The following PCDH17 variants were observed in gnomAD, a reference collection of about 807,000 sequenced individuals.
The protein encoded by PCDH17 is protocadherin-17.
PCDH17 carries 21 observed loss-of-function variants against 67.7 expected under a neutral mutation model. The observed-to-expected ratio is 0.31, with a 90% CI of 0.22 to 0.45. The LOEUF (loss-of-function observed/expected upper bound fraction) is 0.45. Among genes scored for constraint, PCDH17 ranks in the 20% least tolerant of loss-of-function variants. The pLI is 1.00. For missense variants in PCDH17, 1,471 were observed against 1,564.8 expected (o/e 0.94, Z 1.01); for synonymous variants, 701 against 656.7 (o/e 1.07, Z -1.03).
chr13:57,680,655 G>T (rs1327520132), intron 3 of PCDH17, among the ~76,000 whole-genome samples: 2 of 151,550 alleles, frequency 1.3e-5, no homozygotes, highest in Non-Finnish European at 3.0e-5. Context: ...ACAACTTGAT[G>T]GCCAAGCTGA....
rs767246108 is a variant in PCDH17, at chr13:57,633,023, C to G, written c.477C>G (p.Pro159=). 5 of 1,612,704 alleles carry G rather than the reference C, an allele frequency of 3.1e-6. No individual in the cohort carries two copies. The highest frequency in any genetic ancestry group is 1.3e-5 in the African/African-American group (1 of 74,872). The part of the protein sequence containing the change: ...TRFPLTSAHD[P]DAGENGLRTY... ...TCCCCCTCACCAGCGCACATGACCC[C>G]GACGCCGGCGAGAATGGGCTCCGCA... The change falls in exon 1 of 4, where the codon CCC becomes CCG. Residue 159 remains proline, a synonymous_variant. Coordinates refer to ENST00000377918, the MANE Select transcript of PCDH17 (RefSeq NM_001040429.3). The surrounding 1 kb of genome is among the most constrained non-coding windows in gnomAD (Gnocchi z 6.2).
At chr13:57,699,318 T>A (rs1003066757) in intron 3 of PCDH17, among the ~76,000 whole-genome samples, 2 of 152,080 alleles carry the variant, frequency 1.3e-5, no homozygotes, top group South Asian at 2.1e-4. Context: ...AGGTGAAAGT[T>A]TCTTTTAATT....
In PCDH17 at chr13:57,663,517, T is replaced by C. The variant is rs75642332; in HGVS notation, c.2566-2951T>C. Among the ~76,000 whole-genome samples, 1,293 of 152,254 alleles carry C rather than the reference T, an allele frequency of 8.5e-3. 19 individuals are homozygous for C. The highest frequency in any genetic ancestry group is 0.027 in the African/African-American group (1,141 of 41,560). Reference sequence around the variant, plus strand: ...TCTATTTTTCATTTTTCTATGCAAATACTGTTATTTTATATTCAGATTATT... The same window carrying C: ...TCTATTTTTCATTTTTCTATGCAAACACTGTTATTTTATATTCAGATTATT... On this transcript the variant is annotated intron_variant, in intron 1 of 3. Transcript: ENST00000377918.
At chr13:57,716,580 A>G (rs1955818363) in intron 3 of PCDH17, among the ~76,000 whole-genome samples, 1 of 151,904 alleles carries the variant, frequency 6.6e-6, no homozygotes, top group Admixed American at 6.6e-5. Context: ...GCCTTTCACA[A>G]TATTACAACC....
chr13:57,689,013 A>T (rs1955532512), intron 3 of PCDH17, among the ~76,000 whole-genome samples: 1 of 152,184 alleles, frequency 6.6e-6, no homozygotes, highest in East Asian at 1.9e-4. Context: ...TTCTTCATGG[A>T]TAATATCAAT....
chr13:57,680,836 A>G (rs1035232572), intron 3 of PCDH17, among the ~76,000 whole-genome samples: 22 of 151,866 alleles, frequency 1.4e-4, no homozygotes, highest in African/African-American at 5.3e-4. Flanking sequence ...TGTTGATGAT[A>G]CCCAAAGTTG....
In PCDH17 at chr13:57,725,551, G is replaced by A. The variant is rs1027879806; in HGVS notation, c.*257G>A. On this transcript the variant is annotated 3_prime_UTR_variant, in exon 4 of 4. Coordinates refer to ENST00000377918, the MANE Select transcript of PCDH17 (RefSeq NM_001040429.3). The stretch of plus-strand genomic sequence containing the variant: ...TGCTTAAAGAGAAAAGAAAAAAAGA[G>A]AGAAGAAAAAGGAGAGATGAAAAAG... 17 of 382,956 alleles carry A rather than the reference G, an allele frequency of 4.4e-5. No homozygotes were observed. The highest frequency in any genetic ancestry group is 3.5e-4 in the African/African-American group (17 of 48,548). 23.7% of individuals were successfully genotyped at this position (382,956 alleles called of 1,614,324 possible).
rs145458381 is a variant in PCDH17, at chr13:57,664,965, T to C, written c.2566-1503T>C. 9.8e-5 allele frequency among the ~76,000 whole-genome samples: 15 copies of C among 152,318 alleles called. No individual in the cohort carries two copies. In the East Asian group the frequency reaches 1.9e-3, roughly 20 times the overall value. On this transcript the variant is annotated intron_variant, in intron 1 of 3. Transcript: ENST00000377918. ...ATGCTTCACTGAATCTAGAAATTAC[T>C]ACAATATATAAATAGAAAGTGTCTG... is the stretch of plus-strand genomic sequence containing the variant.
chr13:57,667,967 GA>G (rs1955275841), intron 3 of PCDH17, among the ~76,000 whole-genome samples: 1 of 150,136 alleles, frequency 6.7e-6, no homozygotes, highest in Non-Finnish European at 1.5e-5. Context: ...TAATTATGCT[GA>G]ATTTATTTTA....
intron 3 of PCDH17, among the ~76,000 whole-genome samples, chr13:57,676,440 T>C (rs1006018058): frequency 6.6e-6 from 1 of 151,794 alleles, no homozygotes; most frequent in Non-Finnish European, 1.5e-5. Context: ...TTTAGACATG[T>C]TAGAAATGTC....
chr13:57,660,044 G>A (rs192693508), intron 1 of PCDH17, among the ~76,000 whole-genome samples: 1 of 152,072 alleles, frequency 6.6e-6, no homozygotes, highest in East Asian at 1.9e-4. Context: ...TTCGAGACTA[G>A]GGCAACTTGG....
At chr13:57,639,328 G>A (rs1954862564) in intron 1 of PCDH17, among the ~76,000 whole-genome samples, 1 of 151,688 alleles carries the variant, frequency 6.6e-6, no homozygotes, top group South Asian at 2.1e-4. Context: ...AATGTTTAGA[G>A]TTTTTTTGGA....
In PCDH17 at chr13:57,633,294, G is replaced by A. The variant is rs767956474; in HGVS notation, c.748G>A (p.Val250Met). Residue 250 changes from valine (V) to methionine (M), a missense_variant, in exon 1 of 4, where the codon GTG (valine) becomes ATG (methionine). Physicochemically the swap from Val to Met is conservative, Grantham distance 21 (BLOSUM62 1). Transcript: ENST00000377918. This position sits in a 1 kb window ranked among gnomAD's most constrained non-coding sequence, Gnocchi z 6.2. ...SPVFEAPSYLVELPENAPLGT... is the reference protein window; with the variant it reads ...SPVFEAPSYLMELPENAPLGT... ...GGTCTTCGAGGCGCCATCCTACTTG[G>A]TGGAACTGCCCGAGAACGCTCCGCT... is the stretch of plus-strand genomic sequence containing the variant. 34 of 1,613,198 alleles carry A rather than the reference G, an allele frequency of 2.1e-5. No individual in the cohort carries two copies. Among genetic ancestry groups the A allele is most frequent in the Middle Eastern group, 3.3e-4 (2 of 6,084 alleles).
chr13:57,634,568 C>G lies in PCDH17; in HGVS notation c.2022C>G (p.Ser674=). The change falls in exon 1 of 4, where the codon TCC becomes TCG. Residue 674 remains serine, a synonymous_variant. Transcript: ENST00000377918. This position sits in a 1 kb window ranked among gnomAD's most constrained non-coding sequence, Gnocchi z 7.8. ...KVTDHGKPTL[S]AVAKLIIRSV... ...CCGACCACGGCAAGCCTACCCTGTC[C>G]GCAGTGGCCAAGCTCATCATCCGCT... 2 of 1,613,266 alleles carry G rather than the reference C, an allele frequency of 1.2e-6. No homozygotes were observed. Among genetic ancestry groups the G allele is most frequent in the Non-Finnish European group, 1.7e-6 (2 of 1,180,004 alleles).
chr13:57,666,417 G>A (rs752769651), intron 1 of PCDH17, 51 bp from the exon 2 acceptor site: 1 of 1,344,284 alleles, frequency 7.4e-7, no homozygotes, highest in Non-Finnish European at 1.1e-6. Flanking sequence ...TGCTCTGCAG[G>A]AGATTTGTCC....
chr13:57,645,210 G>A (rs1161883549), intron 1 of PCDH17, among the ~76,000 whole-genome samples: 1 of 151,622 alleles, frequency 6.6e-6, no homozygotes, highest in African/African-American at 2.4e-5. Flanking sequence ...CTCTCTATGA[G>A]TAAGATTAGT....
intron 3 of PCDH17, among the ~76,000 whole-genome samples, chr13:57,707,334 CGTGTGT>C (rs56840875): frequency 0.084 from 12,160 of 145,598 alleles, 1,252 homozygotes; most frequent in African/African-American, 0.25. Context: ...GATATATGAC[CGTGTGT>C]GTGTGTGTGT....
At chr13:57,677,642 G>A (rs907633305) in intron 3 of PCDH17, among the ~76,000 whole-genome samples, 1 of 151,852 alleles carries the variant, frequency 6.6e-6, no homozygotes, top group Non-Finnish European at 1.5e-5. Context: ...CCGAAGCTAC[G>A]CAAGAAGACA....
At chr13:57,682,169 C>T (rs1250832249) in intron 3 of PCDH17, among the ~76,000 whole-genome samples, 3 of 151,756 alleles carry the variant, frequency 2.0e-5, no homozygotes, top group Non-Finnish European at 4.4e-5. Context: ...CCTTCTTATA[C>T]TCCTACAATT....
Sources: allele counts gnomAD v4.1 joint callset (sites outside exome capture counted in the v4.1 genomes callset), GRCh38; gene constraint gnomAD v4.1.1; non-coding constraint Gnocchi (gnomAD v3.1); transcripts MANE v1.5; gene names NCBI Gene and HGNC (gene_info 2026-07-23, HGNC 2026-07-21).